The following PRKCH variants were observed in gnomAD, a reference collection of about 807,000 sequenced individuals.
PRKCH encodes the protein protein kinase C eta type.
Under a neutral mutation model 82.5 loss-of-function variants are expected in PRKCH, and 28 were observed. The observed-to-expected ratio is 0.34, with a 90% CI of 0.25 to 0.47. PRKCH has a LOEUF of 0.47. Ranked by LOEUF, PRKCH falls within the 20% of genes least tolerant of loss-of-function variation. The pLI, the probability that PRKCH is intolerant of heterozygous loss-of-function variation, is 1.00. For synonymous variants in PRKCH, 322 were observed against 327.4 expected, an observed-to-expected ratio of 0.98 and a Z score of 0.18; for missense variants, 705 against 881.8, an observed-to-expected ratio of 0.80 and a Z score of 2.54.
At chr14:61,506,861 G>T (rs1887172819) in intron 10 of PRKCH, among the ~76,000 whole-genome samples, 1 of 152,152 alleles carries the variant, frequency 6.6e-6, no homozygotes, top group Non-Finnish European at 1.5e-5. Context: ...GAATGCACAT[G>T]TCTAAGCCCT....
intron 1 of PRKCH, among the ~76,000 whole-genome samples, chr14:61,201,476 G>A (rs1015490404): frequency 1.3e-5 from 2 of 151,832 alleles, no homozygotes; most frequent in Non-Finnish European, 2.9e-5. Flanking sequence ...ACGCTTTTTT[G>A]ATTTTTTAAA....
At chr14:61,372,564 T>G (rs2046376231) in intron 1 of PRKCH, among the ~76,000 whole-genome samples, 1 of 152,042 alleles carries the variant, frequency 6.6e-6, no homozygotes, top group African/African-American at 2.4e-5. Flanking sequence ...GTATCCCTTA[T>G]GAGAAAGAAC....
intron 1 of PRKCH, among the ~76,000 whole-genome samples, chr14:61,212,407 G>A (rs1326575676): frequency 6.6e-6 from 1 of 152,176 alleles, no homozygotes; most frequent in Non-Finnish European, 1.5e-5. Flanking sequence ...ACAGAAAATG[G>A]AACAGAAAAT....
intron 12 of PRKCH, among the ~76,000 whole-genome samples, chr14:61,545,927 T>A (rs894741852): frequency 2.0e-5 from 3 of 152,228 alleles, no homozygotes; most frequent in African/African-American, 7.2e-5. Context: ...AAGAACAGGC[T>A]GTACCCACCC....
At chr14:61,433,687 T>G (rs1468995425) in intron 2 of PRKCH, among the ~76,000 whole-genome samples, 1 of 152,214 alleles carries the variant, frequency 6.6e-6, no homozygotes. Flanking sequence ...TTATGAAATA[T>G]GATTAAATGG....
rs2044460294 is a variant in PRKCH at position 61,198,993 on chromosome 14, G to A, written c.-19+11325G>A. Among the ~76,000 whole-genome samples the A allele has an allele frequency of 1.3e-5, 2 of 152,130 alleles. 1 individual carries two copies. The highest frequency in any genetic ancestry group is 4.1e-4 in the South Asian group (2 of 4,820). On this transcript the variant is annotated intron_variant, in intron 1 of 3. Coordinates refer to the PRKCH transcript ENST00000555185. ...TAAGCTTGCAAGGCTGAGGGATGGG[G>A]GAAGACGCTACTTCCCACCAAGCTT... is the stretch of plus-strand genomic sequence containing the variant.
At chr14:61,419,118 AGC>A (rs1882704313) in intron 2 of PRKCH, among the ~76,000 whole-genome samples, 1 of 152,210 alleles carries the variant, frequency 6.6e-6, no homozygotes, top group East Asian at 1.9e-4. Flanking sequence ...ACAGAGTCTT[AGC>A]GCTTTAGGGC....
At chr14:61,543,180 T>A (rs2140035309) in intron 12 of PRKCH, among the ~76,000 whole-genome samples, 1 of 152,336 alleles carries the variant, frequency 6.6e-6, no homozygotes, top group East Asian at 1.9e-4. Context: ...GACATTCCTA[T>A]ACAAACTTGG....
intron 10 of PRKCH, among the ~76,000 whole-genome samples, chr14:61,519,406 G>T (rs1566925699): frequency 6.6e-6 from 1 of 152,094 alleles, no homozygotes; most frequent in Non-Finnish European, 1.5e-5. Flanking sequence ...TCCCACCCTG[G>T]CCCTGTTTTA....
Position 61,302,192 on chromosome 14 carries a change from A to T in PRKCH, c.-19+114524A>T, listed in dbSNP as rs1594899604. 2.6e-5 allele frequency among the ~76,000 whole-genome samples: 4 copies of T among 152,346 alleles called. No homozygotes were observed. The South Asian group carries it at 8.3e-4, about 32-fold the overall frequency. ...AATATTTCCTTATTATTCTATTAAT[A>T]ACTATGTGATCTGTGGCATAAAATG... On this transcript the variant is annotated intron_variant, in intron 1 of 3. Transcript: ENST00000555185.
chr14:61,422,196 A>C (rs1011799925), intron 2 of PRKCH, among the ~76,000 whole-genome samples: 2 of 152,042 alleles, frequency 1.3e-5, no homozygotes, highest in Admixed American at 6.5e-5. Context: ...TGATCTTCCC[A>C]CCTCAGCCTC....
intron 1 of PRKCH, chr14:61,344,400 A>C (rs568534428): frequency 6.6e-6 from 1 of 152,378 alleles, no homozygotes; most frequent in East Asian, 1.9e-4. Context: ...CCATGAAAAT[A>C]AACTGTTGAG....
chr14:61,293,680 T>A (rs2045382606), intron 1 of PRKCH, among the ~76,000 whole-genome samples: 1 of 152,214 alleles, frequency 6.6e-6, no homozygotes, highest in African/African-American at 2.4e-5. Context: ...TTAGCTAGAT[T>A]TTTTATTGTG....
chr14:61,381,763 C>G (rs1437352415), intron 1 of PRKCH, among the ~76,000 whole-genome samples: 1 of 152,246 alleles, frequency 6.6e-6, no homozygotes, highest in Non-Finnish European at 1.5e-5. Flanking sequence ...CCCTCAGGTG[C>G]TAGTGGCACG....
At chr14:61,387,438 C>G (rs182933608) in intron 1 of PRKCH, among the ~76,000 whole-genome samples, 51 of 152,324 alleles carry the variant, frequency 3.3e-4, no homozygotes, top group African/African-American at 1.2e-3. Flanking sequence ...GATGGATGTA[C>G]TAGCTAGAGA....
At chr14:61,188,556 A>C (rs1594842964) in intron 1 of PRKCH, among the ~76,000 whole-genome samples, 4 of 119,602 alleles carry the variant, frequency 3.3e-5, no homozygotes, top group Admixed American at 9.7e-5. Context: ...GGACCTCCTC[A>C]CCCCCAGACG....
chr14:61,377,404 A>G (rs2046440971), intron 1 of PRKCH, among the ~76,000 whole-genome samples: 1 of 152,188 alleles, frequency 6.6e-6, no homozygotes, highest in African/African-American at 2.4e-5. Context: ...TTTATTTCCA[A>G]CATCTTGCCA....
chr14:61,467,976 T>G (rs945209502), intron 9 of PRKCH, among the ~76,000 whole-genome samples: 1 of 152,226 alleles, frequency 6.6e-6, no homozygotes, highest in East Asian at 1.9e-4. Flanking sequence ...CCAGAGTCAG[T>G]GCATGGATTC....
intron 9 of PRKCH, among the ~76,000 whole-genome samples, chr14:61,476,775 G>T (rs1001859806): frequency 1.4e-4 from 22 of 152,260 alleles, no homozygotes; most frequent in African/African-American, 5.3e-4. Context: ...GCTCAGACAG[G>T]ATGTATCTTG....
Sources: gnomAD v4.1 joint callset for allele counts (sites outside exome capture counted in the v4.1 genomes callset) on GRCh38, gnomAD v4.1.1 for gene constraint, MANE v1.5 for transcripts, NCBI Gene and HGNC (gene_info 2026-07-23, HGNC 2026-07-21) for gene names.